UPP2: variants seen among roughly 807,000 people sequenced by gnomAD.
The protein encoded by UPP2 is uridine phosphorylase 2.
In UPP2, 23 loss-of-function variants were observed where a neutral mutation model predicts 26.7. That is an observed-to-expected ratio of 0.86 (90% CI 0.62 to 1.22). UPP2 has a LOEUF of 1.22. Among genes scored for constraint, UPP2 ranks in the 50% most tolerant of loss-of-function variants. The probability of loss-of-function intolerance (pLI) is 0.00; values close to 1 mark genes in which losing one functional copy is unlikely to be tolerated. For missense variants in UPP2, 387 were observed against 396.7 expected, an observed-to-expected ratio of 0.98 and a Z score of 0.21; for synonymous variants, 127 against 141.3, an observed-to-expected ratio of 0.90 and a Z score of 0.72.
chr2:158,035,087 T>A (rs989090093), intron 3 of UPP2, among the ~76,000 whole-genome samples: 10 of 152,202 alleles, frequency 6.6e-5, no homozygotes, highest in Middle Eastern at 3.4e-3. Context: ...CATTTTCAGG[T>A]ACAGTGCTAG....
intron 1 of UPP2, among the ~76,000 whole-genome samples, chr2:158,102,863 C>T (rs1683104591): frequency 6.6e-6 from 1 of 151,940 alleles, no homozygotes; most frequent in African/African-American, 2.4e-5. Flanking sequence ...TTCAGGGAAG[C>T]CCAGGAGAAA....
chr2:158,104,648 A>T (rs557202980), intron 1 of UPP2, among the ~76,000 whole-genome samples: 6 of 152,124 alleles, frequency 3.9e-5, no homozygotes, highest in Non-Finnish European at 8.8e-5. Context: ...AAGGCTAGGC[A>T]TGATGGCTCA....
intron 3 of UPP2, among the ~76,000 whole-genome samples, chr2:158,061,732 T>C (rs1682355084): frequency 6.6e-6 from 1 of 152,238 alleles, no homozygotes; most frequent in African/African-American, 2.4e-5. Flanking sequence ...CTTTCCTCTC[T>C]TCCTGCTCCT....
intron 2 of UPP2, among the ~76,000 whole-genome samples, chr2:158,006,292 A>G (rs1683486418): frequency 6.6e-6 from 1 of 152,134 alleles, no homozygotes; most frequent in African/African-American, 2.4e-5. Flanking sequence ...ACCCCGTGTT[A>G]TTTAGTCTTT....
chr2:158,067,538 C>T lies in UPP2; in HGVS notation c.148-34502C>T, dbSNP rs73968540. On this transcript the variant is annotated intron_variant, in intron 3 of 9. Coordinates refer to the UPP2 transcript ENST00000605860. ...ATTTGTAAAGGAATATGGAATCCTA[C>T]GTGCATCAGGGATTGGAAAACCAAA... is the stretch of plus-strand genomic sequence containing the variant. 3.7e-3 allele frequency among the ~76,000 whole-genome samples: 559 copies of T among 152,202 alleles called. 3 individuals are homozygous for T. Among genetic ancestry groups the T allele is most frequent in the African/African-American group, 0.012 (517 of 41,550 alleles).
chr2:158,065,617 C>A, intron 3 of UPP2: 1 of 576,658 alleles, frequency 1.7e-6, no homozygotes, highest in Non-Finnish European at 3.4e-6. Context: ...CTACACACAA[C>A]CCAACCAATG....
intron 1 of UPP2, among the ~76,000 whole-genome samples, chr2:158,102,678 A>T (rs1683101400): frequency 6.6e-6 from 1 of 152,178 alleles, no homozygotes; most frequent in Non-Finnish European, 1.5e-5. Flanking sequence ...GCCCCAGGTT[A>T]ACAGAACACA....
At chr2:158,123,326 C>T (rs1683613531) in intron 5 of UPP2, among the ~76,000 whole-genome samples, 1 of 151,472 alleles carries the variant, frequency 6.6e-6, no homozygotes, top group Non-Finnish European at 1.5e-5. Flanking sequence ...TGTCCTGATC[C>T]TCAAGTAGCT....
At chr2:158,045,825 A>G (rs1414980106) in intron 3 of UPP2, among the ~76,000 whole-genome samples, 1 of 152,126 alleles carries the variant, frequency 6.6e-6, no homozygotes, top group Non-Finnish European at 1.5e-5. Flanking sequence ...ATCAGCCACC[A>G]CCCAAGCTAC....
intron 3 of UPP2, among the ~76,000 whole-genome samples, chr2:158,041,147 C>G (rs1684076529): frequency 6.6e-6 from 1 of 152,004 alleles, no homozygotes; most frequent in Non-Finnish European, 1.5e-5. Flanking sequence ...ATAGCTGATA[C>G]TTTAAAAATT....
At chr2:157,996,315 T>C (rs1683323833) in intron 2 of UPP2, among the ~76,000 whole-genome samples, 1 of 152,242 alleles carries the variant, frequency 6.6e-6, no homozygotes. Context: ...TTTTTCTTTT[T>C]TAAGCTAGGC....
At chr2:158,033,807 A>G (rs1224250909) in intron 3 of UPP2, among the ~76,000 whole-genome samples, 2 of 152,220 alleles carry the variant, frequency 1.3e-5, no homozygotes, top group Non-Finnish European at 2.9e-5. Flanking sequence ...TCTCACCCCA[A>G]GGTTCTCTTA....
intron 3 of UPP2, among the ~76,000 whole-genome samples, chr2:158,092,693 C>T (rs1682929193): frequency 6.6e-6 from 1 of 152,046 alleles, no homozygotes; most frequent in African/African-American, 2.4e-5. Flanking sequence ...AACCATAAGA[C>T]TAAAAGGGAG....
intron 3 of UPP2, among the ~76,000 whole-genome samples, chr2:158,048,328 G>A (rs1415105384): frequency 6.6e-6 from 1 of 152,182 alleles, no homozygotes; most frequent in Non-Finnish European, 1.5e-5. Context: ...AACTGAGGGT[G>A]GACATGGTGG....
At chr2:158,028,716 G>A (rs1346119511) in intron 3 of UPP2, among the ~76,000 whole-genome samples, 7 of 152,232 alleles carry the variant, frequency 4.6e-5, no homozygotes, top group Non-Finnish European at 7.3e-5. Context: ...AGAAAAAGAG[G>A]TTTAATTGGA....
At chr2:158,132,986 T>C (rs1410729889) in intron 6 of UPP2, among the ~76,000 whole-genome samples, 2 of 152,156 alleles carry the variant, frequency 1.3e-5, no homozygotes, top group Non-Finnish European at 2.9e-5. Context: ...AAACTAAGAA[T>C]TCCCATATAA....
intron 3 of UPP2, among the ~76,000 whole-genome samples, chr2:158,018,134 T>G (rs1683689493): frequency 6.6e-6 from 1 of 152,196 alleles, no homozygotes; most frequent in African/African-American, 2.4e-5. Context: ...TGAAAATCAT[T>G]TACTAAACAG....
Position 158,018,326 on chromosome 2 carries a change from T to C in UPP2, c.147+2440T>C, listed in dbSNP as rs564653430. Among the ~76,000 whole-genome samples, 370 of 152,382 alleles carry C rather than the reference T, an allele frequency of 2.4e-3. 2 individuals are homozygous for C. The highest frequency in any genetic ancestry group is 7.0e-3 in the Admixed American group (107 of 15,310). ...GACGGTTTGGATTATGCTAATATTC[T>C]CTGTTCCAATATTTATAGAGGGCAG... is the stretch of plus-strand genomic sequence containing the variant. On this transcript the variant is annotated intron_variant, in intron 3 of 9. Coordinates refer to the UPP2 transcript ENST00000605860.
At chr2:158,048,615 C>T (rs186852186) in intron 3 of UPP2, among the ~76,000 whole-genome samples, 27 of 152,280 alleles carry the variant, frequency 1.8e-4, no homozygotes, top group Middle Eastern at 3.4e-3. Context: ...AACAACACTA[C>T]CACAACAACA....
Sources: allele counts gnomAD v4.1 joint callset (sites outside exome capture counted in the v4.1 genomes callset), GRCh38; gene constraint gnomAD v4.1.1; transcripts MANE v1.5; gene names NCBI Gene and HGNC (gene_info 2026-07-23, HGNC 2026-07-21).